Variants in CAMKK2 observed in about 807,000 individuals in gnomAD.
CAMKK2 encodes the protein calcium/calmodulin dependent protein kinase kinase 2.
In CAMKK2, 30 loss-of-function variants were observed where a neutral mutation model predicts 67.2. That is an observed-to-expected ratio of 0.45 (90% CI 0.33 to 0.61). The LOEUF is 0.61. CAMKK2 is among the 20% of genes least tolerant of loss of function. CAMKK2 has a pLI of 0.02. For missense variants in CAMKK2, 643 were observed against 802.0 expected, an observed-to-expected ratio of 0.80 and a Z score of 2.39; for synonymous variants, 322 against 326.2, an observed-to-expected ratio of 0.99 and a Z score of 0.14.
intron 1 of CAMKK2, among the ~76,000 whole-genome samples, chr12:121,280,067 C>T (rs763021493): frequency 6.2e-4 from 94 of 152,338 alleles, no homozygotes; most frequent in Non-Finnish European, 7.4e-4. Context: ...GCCAAGGCCA[C>T]GGACGATGTC....
chr12:121,240,605 C>G lies in CAMKK2; in HGVS notation c.*94G>C. The G allele has an allele frequency of 6.5e-7, 1 of 1,533,802 alleles. No homozygotes were observed. Among genetic ancestry groups the G allele is most frequent in the Non-Finnish European group, 8.7e-7 (1 of 1,146,372 alleles). On this transcript the variant is annotated 3_prime_UTR_variant, in exon 17 of 17. Transcript: ENST00000404169. This position sits in a 1 kb window ranked among gnomAD's most constrained non-coding sequence, Gnocchi z 4.4. The stretch of plus-strand genomic sequence containing the variant: ...TGACGATCGAGGCTCTACACACGTG[C>G]TGGGTTTCCGTAGGACATGCTGCTA...
At chr12:121,249,546 C>T (rs1157420026) in intron 13 of CAMKK2, among the ~76,000 whole-genome samples, 1 of 152,262 alleles carries the variant, frequency 6.6e-6, no homozygotes, top group Non-Finnish European at 1.5e-5. Context: ...CAGCCCACGC[C>T]AATCAGAGCA....
At chr12:121,269,347 C>T (rs1327508820) in intron 4 of CAMKK2, among the ~76,000 whole-genome samples, 181 bp downstream of exon 4, 1 of 152,170 alleles carries the variant, frequency 6.6e-6, no homozygotes, top group East Asian at 1.9e-4. Context: ...CCAATCCCCT[C>T]ACCTCCCCAT....
intron 7 of CAMKK2, among the ~76,000 whole-genome samples, chr12:121,259,153 C>T (rs113261711): frequency 4.1e-4 from 63 of 152,216 alleles, no homozygotes; most frequent in African/African-American, 1.5e-3. Context: ...AAGTTCTTTA[C>T]AATGTTGTAA....
intron 1 of CAMKK2, among the ~76,000 whole-genome samples, chr12:121,284,029 C>T (rs1898266143): frequency 6.6e-6 from 1 of 152,262 alleles, no homozygotes; most frequent in South Asian, 2.1e-4. Flanking sequence ...CTTCCCAGTG[C>T]CTCTCCAAAG....
At chr12:121,251,826 CAAAA>C (rs35539013) in intron 11 of CAMKK2, among the ~76,000 whole-genome samples, 3 of 85,706 alleles carry the variant, frequency 3.5e-5, no homozygotes, top group Non-Finnish European at 6.8e-5. Flanking sequence ...GACTCCATCT[CAAAA>C]AAAAAAAAAA....
chr12:121,258,249 C>T (rs1892745836), intron 7 of CAMKK2, among the ~76,000 whole-genome samples: 1 of 152,174 alleles, frequency 6.6e-6, no homozygotes, highest in Non-Finnish European at 1.5e-5. Context: ...GTCTCGAACT[C>T]CTGACCTCAG....
intron 5 of CAMKK2, among the ~76,000 whole-genome samples, chr12:121,267,120 T>G (rs1894774939): frequency 1.4e-5 from 2 of 139,374 alleles, no homozygotes; most frequent in Admixed American, 1.4e-4. Flanking sequence ...TTTTTTTTTT[T>G]TTTTTGAGAG....
chr12:121,277,194 CCCTGACACGGG>C (rs1258665672), intron 1 of CAMKK2, among the ~76,000 whole-genome samples: 5 of 152,172 alleles, frequency 3.3e-5, no homozygotes, highest in Admixed American at 1.3e-4. Flanking sequence ...AACGCCCCAG[CCCTGACACGGG>C]CCTGACTCAT....
At chr12:121,294,466 G>C (rs767069128) in intron 1 of CAMKK2, among the ~76,000 whole-genome samples, 4 of 152,214 alleles carry the variant, frequency 2.6e-5, no homozygotes, top group African/African-American at 9.6e-5. Context: ...CCATATCTAA[G>C]GATGGGCAGT....
chr12:121,256,368 G>GA (rs1892295687), intron 7 of CAMKK2, among the ~76,000 whole-genome samples: 1 of 151,784 alleles, frequency 6.6e-6, no homozygotes, highest in Non-Finnish European at 1.5e-5. Context: ...AACAGAGCAA[G>GA]AATGTCCCAA....
intron 16 of CAMKK2, among the ~76,000 whole-genome samples, chr12:121,241,752 T>C (rs1046704451): frequency 3.9e-5 from 6 of 152,198 alleles, no homozygotes; most frequent in Admixed American, 2.0e-4. Flanking sequence ...TGATGGAGAA[T>C]GTGGGTAAGG....
intron 1 of CAMKK2, among the ~76,000 whole-genome samples, chr12:121,284,133 C>T (rs1898291369): frequency 6.6e-6 from 1 of 152,256 alleles, no homozygotes; most frequent in Admixed American, 6.5e-5. Flanking sequence ...TCTGCAGCCC[C>T]TGCTTTCAAG....
intron 7 of CAMKK2, among the ~76,000 whole-genome samples, chr12:121,257,385 T>C (rs933901674): frequency 6.6e-6 from 1 of 152,104 alleles, no homozygotes; most frequent in Non-Finnish European, 1.5e-5. Context: ...TAGCTGGGAC[T>C]ACAGGCACCT....
In CAMKK2 at chr12:121,240,972, G is replaced by T; in HGVS notation, c.1597-103C>A. The T allele has an allele frequency of 8.8e-7, 1 of 1,132,188 alleles. No homozygotes were observed. Among genetic ancestry groups the T allele is most frequent in the Non-Finnish European group, 1.3e-6 (1 of 779,662 alleles). The allele number at this position is 1,132,188 out of a possible 1,614,324, so 70.1% of individuals were successfully genotyped here. ...GGGCCCCCTGCCCAAGTGGGCCGTC[G>T]CGCACCCCCTGGAACGTGATCTACG... On this transcript the variant is annotated intron_variant, in intron 16 of 16. Transcript: ENST00000404169. This position sits in a 1 kb window ranked among gnomAD's most constrained non-coding sequence, Gnocchi z 4.4.
At chr12:121,275,484 T>C (rs1032787727) in intron 1 of CAMKK2, among the ~76,000 whole-genome samples, 1 of 109,916 alleles carries the variant, frequency 9.1e-6, no homozygotes, top group African/African-American at 4.8e-5. Flanking sequence ...AGACCAAGAC[T>C]GTCTCAAAAA....
chr12:121,242,352 A>G (rs1566027897), intron 16 of CAMKK2, among the ~76,000 whole-genome samples: 1 of 131,954 alleles, frequency 7.6e-6, no homozygotes, highest in East Asian at 2.3e-4. Context: ...CAAAAAAAAA[A>G]AAGAAAGAAA....
intron 3 of CAMKK2, among the ~76,000 whole-genome samples, chr12:121,270,413 A>G (rs1054308110): frequency 1.3e-5 from 2 of 152,096 alleles, no homozygotes; most frequent in African/African-American, 4.8e-5. Context: ...TTTTGAAAAA[A>G]TGGAAAGATC....
chr12:121,259,180 T>A (rs1221262221), intron 7 of CAMKK2, among the ~76,000 whole-genome samples: 16 of 152,182 alleles, frequency 1.1e-4, no homozygotes. Flanking sequence ...TTCTGCCACC[T>A]GGTCCCTGCT....
Sources: allele counts gnomAD v4.1 joint callset (sites outside exome capture counted in the v4.1 genomes callset), GRCh38; gene constraint gnomAD v4.1.1; non-coding constraint Gnocchi (gnomAD v3.1); transcripts MANE v1.5; gene names NCBI Gene and HGNC (gene_info 2026-07-23, HGNC 2026-07-21).